Variants in MACROD2 observed in about 807,000 individuals in gnomAD.
MACROD2 encodes mono-ADP ribosylhydrolase 2, also known as ADP-ribose glycohydrolase MACROD2.
A neutral mutation model predicts 70.4 loss-of-function variants in MACROD2; 36 were observed. The ratio of observed to expected loss-of-function variants is 0.51; its 90% CI spans 0.39 to 0.68. The LOEUF is 0.68. Among genes scored for constraint, MACROD2 ranks in the 30% least tolerant of loss-of-function variants. The pLI, the probability that MACROD2 is intolerant of heterozygous loss-of-function variation, is 0.00. For synonymous variants in MACROD2, 172 were observed against 178.8 expected (o/e 0.96, Z 0.30); for missense variants, 496 against 538.4 (o/e 0.92, Z 0.78).
At chr20:14,542,646 A>T (rs2085448303) in intron 4 of MACROD2, among the ~76,000 whole-genome samples, 1 of 152,186 alleles carries the variant, frequency 6.6e-6, no homozygotes, top group South Asian at 2.1e-4. Flanking sequence ...GTGTCTGAAA[A>T]TCTCTTTGAA....
At chr20:14,180,037 T>C (rs559289255) in intron 3 of MACROD2, among the ~76,000 whole-genome samples, 1 of 152,276 alleles carries the variant, frequency 6.6e-6, no homozygotes, top group South Asian at 2.1e-4. Flanking sequence ...GAACTTACCA[T>C]CCCAAACCAA....
chr20:14,249,064 T>G (rs756529677), intron 3 of MACROD2, among the ~76,000 whole-genome samples: 73 of 151,864 alleles, frequency 4.8e-4, no homozygotes, highest in Non-Finnish European at 9.6e-4. Context: ...TCAGAAACAA[T>G]TAATGGGTTG....
chr20:14,010,395 A>G (rs1030446575), intron 2 of MACROD2, among the ~76,000 whole-genome samples: 7 of 152,128 alleles, frequency 4.6e-5, no homozygotes, highest in African/African-American at 1.7e-4. Flanking sequence ...CAAAGGCAGA[A>G]AAGGTAGAGG....
chr20:14,278,480 A>G (rs58009791), intron 3 of MACROD2, among the ~76,000 whole-genome samples: 67 of 152,334 alleles, frequency 4.4e-4, no homozygotes, highest in African/African-American at 1.5e-3. Context: ...CTACTTGAGT[A>G]CTTGTTTGAG....
rs140679376 is a variant in MACROD2 at position 15,453,047 on chromosome 20, T to G, written c.571+21612T>G. ...CCCAGAACTAAACTGAGTGTGTCAG[T>G]GGCTTGTCCAAAGTCTTGTAGAAGC... On this transcript the variant is annotated intron_variant, in intron 7 of 17. Coordinates refer to ENST00000684519, the MANE Select transcript of MACROD2 (RefSeq NM_001351661.2). 2.1e-3 allele frequency among the ~76,000 whole-genome samples: 316 copies of G among 152,268 alleles called. 2 individuals carry two copies. The highest frequency in any genetic ancestry group is 7.0e-3 in the African/African-American group (290 of 41,562).
Position 15,948,382 on chromosome 20 carries a change from C to CAAAAAAAAAAAAAAAAAAAAAAAA in MACROD2, c.907+10845_907+10868dup, listed in dbSNP as rs71192307. Among the ~76,000 whole-genome samples, 89 of 43,146 alleles carry CAAAAAAAAAAAAAAAAAAAAAAAA rather than the reference C, an allele frequency of 2.1e-3. 3 individuals carry two copies. Among genetic ancestry groups the CAAAAAAAAAAAAAAAAAAAAAAAA allele is most frequent in the Non-Finnish European group, 2.6e-3 (56 of 21,348 alleles). The allele number at this position is 43,146 out of a possible 152,430, so 28.3% of individuals were successfully genotyped here. ...TTCACTCTATTAAATCTTGCAACTG[C>CAAAAAAAAAAAAAAAAAAAAAAAA]AAAAAAAAAAAAAAAAAAAAAAAAA... On this transcript the variant is annotated intron_variant, in intron 12 of 17. Transcript: ENST00000684519.
chr20:15,816,087 A>T (rs575042859), intron 8 of MACROD2, among the ~76,000 whole-genome samples: 1 of 151,922 alleles, frequency 6.6e-6, no homozygotes, highest in Non-Finnish European at 1.5e-5. Flanking sequence ...TATATTCATT[A>T]TATGTATATA....
intron 7 of MACROD2, among the ~76,000 whole-genome samples, chr20:15,442,080 A>G (rs1463703141): frequency 6.6e-6 from 1 of 152,136 alleles, no homozygotes; most frequent in African/African-American, 2.4e-5. Flanking sequence ...CTTGAATGAC[A>G]TTCCTTTTCC....
At chr20:14,069,832 C>A (rs941212792) in intron 2 of MACROD2, among the ~76,000 whole-genome samples, 1 of 151,554 alleles carries the variant, frequency 6.6e-6, no homozygotes, top group African/African-American at 2.4e-5. Flanking sequence ...ACCAATGGGA[C>A]TGCAGCAAAC....
At chr20:15,630,843 G>A (rs568166036) in intron 8 of MACROD2, among the ~76,000 whole-genome samples, 1 of 152,270 alleles carries the variant, frequency 6.6e-6, no homozygotes, top group South Asian at 2.1e-4. Flanking sequence ...TTGGTGTGAA[G>A]CCTCCAACTG....
chr20:14,045,215 C>T (rs1211203878), intron 2 of MACROD2, among the ~76,000 whole-genome samples: 1 of 152,258 alleles, frequency 6.6e-6, no homozygotes, highest in African/African-American at 2.4e-5. Flanking sequence ...CTTGGCCAGC[C>T]CAGAAAGGGG....
intron 6 of MACROD2, among the ~76,000 whole-genome samples, chr20:15,251,610 G>A (rs947692574): frequency 9.9e-5 from 15 of 152,114 alleles, no homozygotes; most frequent in Non-Finnish European, 1.3e-4. Flanking sequence ...TAATCTCCTT[G>A]TTCTCAATGA....
intron 4 of MACROD2, among the ~76,000 whole-genome samples, chr20:14,671,967 T>C (rs78838751): frequency 0.014 from 2,129 of 152,324 alleles, 53 homozygotes; most frequent in African/African-American, 0.048. Context: ...TCAGCTATAT[T>C]GTTTTTCCTC....
At chr20:14,235,976 C>A (rs1299369945) in intron 3 of MACROD2, among the ~76,000 whole-genome samples, 1 of 151,998 alleles carries the variant, frequency 6.6e-6, no homozygotes, top group Non-Finnish European at 1.5e-5. Context: ...GACTAGTTGC[C>A]AGTTAACCCA....
intron 3 of MACROD2, among the ~76,000 whole-genome samples, chr20:14,179,292 C>T (rs1601318183): frequency 6.6e-6 from 1 of 152,148 alleles, no homozygotes; most frequent in East Asian, 1.9e-4. Flanking sequence ...AGATATGTTA[C>T]TATTTCTGAG....
chr20:15,836,521 G>T (rs1388029634), intron 8 of MACROD2, among the ~76,000 whole-genome samples: 1 of 152,116 alleles, frequency 6.6e-6, no homozygotes, highest in Non-Finnish European at 1.5e-5. Flanking sequence ...TATATCTACT[G>T]ATGTTGGTTT....
chr20:15,229,612 C>T (rs1472708862), intron 5 of MACROD2, among the ~76,000 whole-genome samples: 4 of 152,122 alleles, frequency 2.6e-5, no homozygotes, highest in East Asian at 1.9e-4. Context: ...GTTTATTTCC[C>T]GCCAAGGATT....
At chr20:15,489,980 T>C (rs2047207399) in intron 7 of MACROD2, among the ~76,000 whole-genome samples, 1 of 152,162 alleles carries the variant, frequency 6.6e-6, no homozygotes, top group African/African-American at 2.4e-5. Flanking sequence ...GTTTGGCTTC[T>C]AAGAATAGCC....
chr20:14,440,331 A>C (rs1345293101), intron 3 of MACROD2, among the ~76,000 whole-genome samples: 1 of 152,108 alleles, frequency 6.6e-6, no homozygotes, highest in East Asian at 1.9e-4. Flanking sequence ...CTTTCTTAAA[A>C]CATTATGAGG....
Sources: gnomAD v4.1 joint callset for allele counts (sites outside exome capture counted in the v4.1 genomes callset) on GRCh38, gnomAD v4.1.1 for gene constraint, MANE v1.5 for transcripts, NCBI Gene and HGNC (gene_info 2026-07-23, HGNC 2026-07-21) for gene names.